Variants in SMYD3 observed in about 807,000 individuals in gnomAD.
The protein encoded by SMYD3 is histone-lysine N-methyltransferase SMYD3.
In SMYD3, 36 loss-of-function variants were observed where a neutral mutation model predicts 57.7. That is an observed-to-expected ratio of 0.62 (90% CI 0.48 to 0.82). The LOEUF (loss-of-function observed/expected upper bound fraction) is 0.82. Ranked by LOEUF, SMYD3 falls within the 40% of genes least tolerant of loss-of-function variation. The pLI is 0.00. For synonymous variants in SMYD3, 211 were observed against 195.0 expected, an observed-to-expected ratio of 1.08 and a Z score of -0.68; for missense variants, 515 against 538.8, an observed-to-expected ratio of 0.96 and a Z score of 0.44.
At chr1:246,462,817 T>C (rs2067823210) in intron 1 of SMYD3, among the ~76,000 whole-genome samples, 1 of 152,074 alleles carries the variant, frequency 6.6e-6, no homozygotes, top group Non-Finnish European at 1.5e-5. Context: ...CGAAATGAGA[T>C]ACATACTATA....
In SMYD3 at chr1:246,339,170, A is replaced by G. The variant is rs910730279; in HGVS notation, c.229-3696T>C. Among the ~76,000 whole-genome samples the G allele has an allele frequency of 7.2e-5, 11 of 152,210 alleles. No homozygotes were observed. In the East Asian group the frequency reaches 1.5e-3, roughly 21 times the overall value. ...TTACCTAAATTACTCAATTAAAGCC[A>G]TATCACTGAAGGCAACACCACTTAG... On this transcript the variant is annotated intron_variant, in intron 2 of 11. Transcript: ENST00000490107.
chr1:245,778,339 C>T (rs933028108), intron 10 of SMYD3, among the ~76,000 whole-genome samples: 1 of 151,996 alleles, frequency 6.6e-6, no homozygotes. Context: ...GAATGGAGCA[C>T]AATAGAAATT....
At chr1:246,360,222 A>T (rs536058173) in intron 1 of SMYD3, among the ~76,000 whole-genome samples, 8 of 152,322 alleles carry the variant, frequency 5.3e-5, no homozygotes, top group Admixed American at 2.0e-4. Flanking sequence ...ATAGCTGCAA[A>T]AAAATAAAAT....
intron 10 of SMYD3, among the ~76,000 whole-genome samples, chr1:245,815,983 T>G (rs1247319080): frequency 6.6e-6 from 1 of 152,002 alleles, no homozygotes; most frequent in African/African-American, 2.4e-5. Context: ...TGTAGGTGAG[T>G]AGGTAAGTTG....
At chr1:246,003,300 C>T (rs145103372) in intron 5 of SMYD3, among the ~76,000 whole-genome samples, 104 of 152,326 alleles carry the variant, frequency 6.8e-4, no homozygotes, top group Non-Finnish European at 1.2e-3. Context: ...CTGGCAGGGG[C>T]ATCAGGTGTA....
chr1:246,353,722 T>TC (rs1291904725), intron 2 of SMYD3, among the ~76,000 whole-genome samples: 1 of 152,212 alleles, frequency 6.6e-6, no homozygotes, highest in Non-Finnish European at 1.5e-5. Flanking sequence ...TGTCTCTCTG[T>TC]CCTCATTGTC....
chr1:246,070,357 T>A (rs369736768), intron 5 of SMYD3, among the ~76,000 whole-genome samples: 3 of 152,232 alleles, frequency 2.0e-5, no homozygotes, highest in African/African-American at 7.2e-5. Flanking sequence ...TATACTCTCT[T>A]GGTGTTTTAG....
intron 5 of SMYD3, among the ~76,000 whole-genome samples, chr1:246,012,368 G>GT (rs2059299140): frequency 6.6e-6 from 1 of 152,150 alleles, no homozygotes; most frequent in Non-Finnish European, 1.5e-5. Flanking sequence ...GAGTTTCCAC[G>GT]TGAGGAGAGA....
chr1:245,896,906 GAACAA>G (rs2053850409), intron 8 of SMYD3, among the ~76,000 whole-genome samples: 3 of 151,874 alleles, frequency 2.0e-5, no homozygotes, highest in Non-Finnish European at 4.4e-5. Flanking sequence ...GGAGTGAAAA[GAACAA>G]AACAAAAAAA....
rs754069201 is a variant in SMYD3, at chr1:246,329,535, GTTGT to G, written c.394+941_394+944del. Among the ~76,000 whole-genome samples the G allele has an allele frequency of 1.2e-3, 177 of 152,198 alleles. 3 individuals carry two copies. Among genetic ancestry groups the G allele is most frequent in the East Asian group, 3.3e-3 (17 of 5,182 alleles). On this transcript the variant is annotated intron_variant, in intron 4 of 11. Transcript: ENST00000490107. ...TGTCCTTCGCCCACTTTTTGATGGG[GTTGT>G]TTGTTTTTTTCTTGTTAATTTGTTT... is the stretch of plus-strand genomic sequence containing the variant.
At chr1:246,149,031 G>C (rs1164364675) in intron 5 of SMYD3, among the ~76,000 whole-genome samples, 1 of 152,182 alleles carries the variant, frequency 6.6e-6, no homozygotes, top group East Asian at 1.9e-4. Context: ...TAGAGACAAG[G>C]AGTAGACGCC....
intron 5 of SMYD3, among the ~76,000 whole-genome samples, chr1:246,233,924 C>T (rs1349286974): frequency 7.8e-6 from 1 of 127,880 alleles, no homozygotes; most frequent in Non-Finnish European, 1.6e-5. Flanking sequence ...AGGAGAAACG[C>T]TCCTTCAATT....
chr1:246,443,217 A>G (rs977492583), intron 1 of SMYD3, among the ~76,000 whole-genome samples: 2 of 152,196 alleles, frequency 1.3e-5, no homozygotes, highest in South Asian at 2.1e-4. Flanking sequence ...GTAAGATTCT[A>G]ATGTGTTAAA....
chr1:245,927,059 T>G (rs1171223522), intron 7 of SMYD3, among the ~76,000 whole-genome samples: 1 of 152,240 alleles, frequency 6.6e-6, no homozygotes, highest in Non-Finnish European at 1.5e-5. Flanking sequence ...GAGTTGAGGT[T>G]TTATTGGCTG....
intron 7 of SMYD3, among the ~76,000 whole-genome samples, chr1:245,918,105 C>T (rs2147787002): frequency 6.6e-6 from 1 of 152,310 alleles, no homozygotes; most frequent in Non-Finnish European, 1.5e-5. Flanking sequence ...ACAGGAGTCA[C>T]AGCCTGATCT....
intron 10 of SMYD3, among the ~76,000 whole-genome samples, chr1:245,850,774 T>C (rs2050929043): frequency 6.6e-6 from 1 of 152,202 alleles, no homozygotes; most frequent in African/African-American, 2.4e-5. Flanking sequence ...CAAATGATGA[T>C]ATTCCCCCAT....
intron 5 of SMYD3, among the ~76,000 whole-genome samples, chr1:246,119,167 C>T (rs1351630449): frequency 1.3e-5 from 2 of 152,132 alleles, no homozygotes; most frequent in African/African-American, 4.8e-5. Flanking sequence ...ACTACAAACG[C>T]ATGCCAACAT....
chr1:246,414,416 G>A lies in SMYD3; in HGVS notation c.165-59322C>T, dbSNP rs193253199. ...TGGACATCCCAAATCAGCCACATGG[G>A]ACACAGAGGAGGGTCCACATAGAAC... On this transcript the variant is annotated intron_variant, in intron 1 of 11. Coordinates refer to ENST00000490107, the MANE Select transcript of SMYD3 (RefSeq NM_001167740.2). Among the ~76,000 whole-genome samples the A allele has an allele frequency of 3.9e-3, 591 of 152,280 alleles. 7 individuals are homozygous for A. The highest frequency in any genetic ancestry group is 0.013 in the African/African-American group (520 of 41,556).
rs556337277 is a variant in SMYD3, at chr1:246,355,014, T to C, written c.228+17A>G. On this transcript the variant is annotated intron_variant, in intron 2 of 11. Coordinates refer to ENST00000490107, the MANE Select transcript of SMYD3 (RefSeq NM_001167740.2). This position sits in a 1 kb window ranked among gnomAD's most constrained non-coding sequence, Gnocchi z 5.0. The stretch of plus-strand genomic sequence containing the variant: ...AGAATTTGAAAGCTTCACTTATATA[T>C]GGCTGAAAAGTCTTACCTGACACTT... 3.1e-5 allele frequency: 50 copies of C among 1,612,798 alleles called. No homozygotes were observed. Among genetic ancestry groups the C allele is most frequent in the South Asian group, 2.0e-4 (18 of 91,040 alleles).
Sources: gnomAD v4.1 joint callset for allele counts (sites outside exome capture counted in the v4.1 genomes callset) on GRCh38, gnomAD v4.1.1 for gene constraint, Gnocchi (gnomAD v3.1) non-coding constraint, MANE v1.5 for transcripts, NCBI Gene and HGNC (gene_info 2026-07-23, HGNC 2026-07-21) for gene names.